The following ANO2 variants were observed in gnomAD, a reference collection of about 807,000 sequenced individuals.
ANO2 encodes anoctamin-2.
ANO2 carries 101 observed loss-of-function variants against 124.2 expected under a neutral mutation model. The observed-to-expected ratio is 0.81, with a 90% CI of 0.69 to 0.96. The LOEUF is 0.96. Among genes scored for constraint, ANO2 ranks in the 40% least tolerant of loss-of-function variants. ANO2 has a pLI of 0.00. For synonymous variants in ANO2, 486 were observed against 482.5 expected (o/e 1.01, Z -0.09); for missense variants, 1,293 against 1,274.5 (o/e 1.01, Z -0.22).
At chr12:5,586,018 G>A (rs1048502751) in intron 20 of ANO2, among the ~76,000 whole-genome samples, 4 of 152,150 alleles carry the variant, frequency 2.6e-5, no homozygotes, top group Non-Finnish European at 2.9e-5. Context: ...TGAGCTTCCC[G>A]GTTGTTAGAG....
At chr12:5,690,551 C>A (rs1271297086) in intron 14 of ANO2, among the ~76,000 whole-genome samples, 2 of 152,168 alleles carry the variant, frequency 1.3e-5, no homozygotes, top group Admixed American at 6.5e-5. Flanking sequence ...CTGATTCCAG[C>A]TAAGGCATCA....
chr12:5,810,151 G>A (rs890151079), intron 7 of ANO2, among the ~76,000 whole-genome samples: 32 of 152,134 alleles, frequency 2.1e-4, no homozygotes, highest in African/African-American at 7.7e-4. Flanking sequence ...CTTTTCAGGT[G>A]GTATCCTATG....
chr12:5,945,376 G>A (rs1005357681), upstream of ANO2: 61 of 736,080 alleles, frequency 8.3e-5, 1 homozygote, highest in Admixed American at 1.2e-4. Flanking sequence ...CGCCGGCGCC[G>A]CGCAGCCACA....
chr12:5,676,782 G>A (rs1449105203), intron 14 of ANO2, among the ~76,000 whole-genome samples: 5 of 152,122 alleles, frequency 3.3e-5, no homozygotes, highest in Non-Finnish European at 7.4e-5. Context: ...GGCTGGGCCC[G>A]GTGGCTCATT....
At chr12:5,901,573 T>C (rs113917031) in intron 3 of ANO2, among the ~76,000 whole-genome samples, 1,780 of 152,270 alleles carry the variant, frequency 0.012, 42 homozygotes, top group African/African-American at 0.041. Context: ...GGGGCATGGA[T>C]GAGGTGACCT....
At chr12:5,782,811 G>C (rs1197178501) in intron 10 of ANO2, among the ~76,000 whole-genome samples, 3 of 152,190 alleles carry the variant, frequency 2.0e-5, no homozygotes, top group African/African-American at 7.2e-5. Context: ...GAGTTGAAGA[G>C]AGCTAGAGAG....
At chr12:5,832,018 G>A (rs1396439029) in intron 5 of ANO2, among the ~76,000 whole-genome samples, 1 of 152,168 alleles carries the variant, frequency 6.6e-6, no homozygotes, top group Non-Finnish European at 1.5e-5. Context: ...TGTACAAGTA[G>A]GCAGCTGGAA....
In ANO2 at chr12:5,770,080, T is replaced by A. The variant is rs189241996; in HGVS notation, c.1056-19110A>T. 2.0e-5 allele frequency among the ~76,000 whole-genome samples: 3 copies of A among 152,288 alleles called. No individual in the cohort carries two copies. The East Asian group carries it at 5.8e-4, about 29-fold the overall frequency. ...CAAAGCCCTTAGGTTGCAGACCCAA[T>A]ATTCAAACTCTAATCTGTTGAGGGA... is the stretch of plus-strand genomic sequence containing the variant. On this transcript the variant is annotated intron_variant, in intron 10 of 24. Transcript: ENST00000682330.
intron 3 of ANO2, among the ~76,000 whole-genome samples, chr12:5,918,399 G>C (rs2136299455): frequency 6.6e-6 from 1 of 152,026 alleles, no homozygotes; most frequent in South Asian, 2.1e-4. Context: ...AATGACCTCT[G>C]GGGATCCCTT....
intron 15 of ANO2, among the ~76,000 whole-genome samples, chr12:5,644,897 C>T (rs1427164029): frequency 6.6e-6 from 1 of 152,320 alleles, no homozygotes; most frequent in East Asian, 1.9e-4. Flanking sequence ...TGTATTCTGA[C>T]TTCCAATGTG....
chr12:5,683,338 G>C (rs1052695217), intron 14 of ANO2, among the ~76,000 whole-genome samples: 3 of 152,156 alleles, frequency 2.0e-5, no homozygotes, highest in African/African-American at 4.8e-5. Context: ...CAGGGATGAA[G>C]TGGCAGAGGT....
At chr12:5,720,643 T>G (rs544578099) in intron 14 of ANO2, among the ~76,000 whole-genome samples, 2 of 152,194 alleles carry the variant, frequency 1.3e-5, no homozygotes, top group African/African-American at 4.8e-5. Context: ...TTGGGTCTTG[T>G]GTTTTCCCAG....
chr12:5,794,590 T>G (rs1266241650), intron 10 of ANO2, among the ~76,000 whole-genome samples: 2 of 152,216 alleles, frequency 1.3e-5, no homozygotes, highest in Admixed American at 6.5e-5. Flanking sequence ...CTTGTCTTAT[T>G]CCTCTAGCAG....
At chr12:5,662,861 A>T (rs759091) in intron 14 of ANO2, among the ~76,000 whole-genome samples, 26,180 of 152,118 alleles carry the variant, frequency 0.17, 2,601 homozygotes, top group South Asian at 0.31. Context: ...CAAAAAAGGC[A>T]AGTTGGGTAG....
intron 10 of ANO2, among the ~76,000 whole-genome samples, chr12:5,770,861 C>A (rs1243167516): frequency 6.6e-6 from 1 of 152,206 alleles, no homozygotes; most frequent in East Asian, 1.9e-4. Context: ...ACACACCACA[C>A]CTGCTCCCAC....
At chr12:5,907,085 G>A (rs80242330) in intron 3 of ANO2, among the ~76,000 whole-genome samples, 2,376 of 152,274 alleles carry the variant, frequency 0.016, 25 homozygotes, top group Middle Eastern at 0.088. Flanking sequence ...TAACCTCTCT[G>A]ATGCTAGCTA....
At chr12:5,896,048 T>C (rs1249905308) in intron 3 of ANO2, among the ~76,000 whole-genome samples, 2 of 152,138 alleles carry the variant, frequency 1.3e-5, no homozygotes, top group East Asian at 3.9e-4. Flanking sequence ...AACCAAATAT[T>C]CTATCCTCTC....
intron 3 of ANO2, among the ~76,000 whole-genome samples, chr12:5,865,002 C>T (rs1489119178): frequency 2.0e-5 from 3 of 152,140 alleles, no homozygotes. Context: ...TCTCTCCTGA[C>T]TTAAAATTTG....
At chr12:5,815,051 C>A (rs1953559481) in intron 7 of ANO2, among the ~76,000 whole-genome samples, 1 of 152,194 alleles carries the variant, frequency 6.6e-6, no homozygotes, top group Non-Finnish European at 1.5e-5. Flanking sequence ...GTGACAGTAA[C>A]ACCTCATTTA....
Sources: allele counts gnomAD v4.1 joint callset (sites outside exome capture counted in the v4.1 genomes callset), GRCh38; gene constraint gnomAD v4.1.1; transcripts MANE v1.5; gene names NCBI Gene and HGNC (gene_info 2026-07-23, HGNC 2026-07-21).